EYS: variants seen among roughly 807,000 people sequenced by gnomAD.
EYS encodes protein eyes shut homolog.
A neutral mutation model predicts 282.1 loss-of-function variants in EYS; 250 were observed. The ratio of observed to expected loss-of-function variants is 0.89; its 90% CI spans 0.80 to 0.98. EYS has a LOEUF of 0.98. Ranked by LOEUF, EYS falls within the 50% of genes least tolerant of loss-of-function variation. The pLI is 0.00. For synonymous variants in EYS, 1,355 were observed against 1,282.9 expected, an observed-to-expected ratio of 1.06 and a Z score of -1.20; for missense variants, 4,016 against 3,709.0, an observed-to-expected ratio of 1.08 and a Z score of -2.15.
chr6:64,225,317 C>A (rs1243216163), intron 31 of EYS, among the ~76,000 whole-genome samples: 3 of 151,962 alleles, frequency 2.0e-5, no homozygotes, highest in Non-Finnish European at 2.9e-5. Flanking sequence ...ATGTCCAAAG[C>A]CCAATTCCTG....
intron 27 of EYS, among the ~76,000 whole-genome samples, 199 bp downstream of exon 27, chr6:64,438,963 T>A (rs1340471333): frequency 1.3e-5 from 2 of 151,750 alleles, no homozygotes; most frequent in East Asian, 3.9e-4. Flanking sequence ...ATTAAATCAG[T>A]TTTTTTGCTT....
At chr6:64,129,212 G>A (rs77467576) in intron 31 of EYS, among the ~76,000 whole-genome samples, 1 of 152,058 alleles carries the variant, frequency 6.6e-6, no homozygotes. Flanking sequence ...AACTTCCACA[G>A]TGGTTGAACT....
intron 29 of EYS, among the ~76,000 whole-genome samples, chr6:64,372,138 T>TTG (rs1772397414): frequency 4.1e-5 from 1 of 24,222 alleles, no homozygotes; most frequent in Non-Finnish European, 1.4e-4. Context: ...GTGTTTTTTT[T>TTG]TTTTTTTTTT....
chr6:65,017,230 T>G (rs904953547), intron 13 of EYS, among the ~76,000 whole-genome samples: 1 of 152,216 alleles, frequency 6.6e-6, no homozygotes, highest in African/African-American at 2.4e-5. Flanking sequence ...ATCTTATAGA[T>G]GCATTTTACA....
intron 16 of EYS, among the ~76,000 whole-genome samples, chr6:64,904,510 T>G (rs1767765211): frequency 6.6e-6 from 1 of 152,214 alleles, no homozygotes. Flanking sequence ...ACAACTTAGA[T>G]TCTATTTTCA....
chr6:63,828,462 A>G (rs573424797), intron 36 of EYS, among the ~76,000 whole-genome samples: 16 of 152,346 alleles, frequency 1.1e-4, no homozygotes, highest in Admixed American at 9.8e-4. Context: ...CCTAGAAGAG[A>G]TGGATAAATT....
chr6:64,254,331 A>G (rs972335362), intron 30 of EYS, among the ~76,000 whole-genome samples: 3 of 152,106 alleles, frequency 2.0e-5, no homozygotes, highest in Admixed American at 1.3e-4. Context: ...GCTGTTTTCA[A>G]TGTATGCCAC....
intron 1 of EYS, among the ~76,000 whole-genome samples, chr6:65,660,074 G>C (rs973396733): frequency 6.8e-6 from 1 of 147,720 alleles, no homozygotes; most frequent in African/African-American, 2.5e-5. Context: ...AAGATAAGGG[G>C]CTGCTTATTA....
intron 12 of EYS, among the ~76,000 whole-genome samples, chr6:65,171,276 T>C (rs1398239469): frequency 1.3e-5 from 2 of 151,584 alleles, no homozygotes; most frequent in East Asian, 3.9e-4. Flanking sequence ...TTATATCCTT[T>C]CTTTTTCCAT....
At chr6:64,668,548 T>TG (rs1286342810) in intron 22 of EYS, among the ~76,000 whole-genome samples, 1 of 141,214 alleles carries the variant, frequency 7.1e-6, no homozygotes, top group East Asian at 2.1e-4. Context: ...CAATTCTTTT[T>TG]TTTTTTTTTT....
At chr6:64,022,398 G>A (rs954440507) in intron 33 of EYS, among the ~76,000 whole-genome samples, 21 of 151,986 alleles carry the variant, frequency 1.4e-4, no homozygotes, top group Middle Eastern at 3.2e-3. Flanking sequence ...TTTTTAGTGC[G>A]CTAAAATATA....
At chr6:64,140,469 C>T (rs1774304954) in intron 31 of EYS, among the ~76,000 whole-genome samples, 1 of 152,150 alleles carries the variant, frequency 6.6e-6, no homozygotes, top group African/African-American at 2.4e-5. Flanking sequence ...TTTCCACCTG[C>T]CTCTCATCCC....
chr6:65,026,061 C>T (rs1362707072), intron 13 of EYS, among the ~76,000 whole-genome samples: 2 of 152,170 alleles, frequency 1.3e-5, no homozygotes, highest in Non-Finnish European at 2.9e-5. Context: ...CTTCATCAGT[C>T]ATTACTTTTC....
chr6:65,107,805 T>A (rs997217115), intron 12 of EYS, among the ~76,000 whole-genome samples: 4 of 152,062 alleles, frequency 2.6e-5, no homozygotes, highest in African/African-American at 9.7e-5. Context: ...TGCCACTTTA[T>A]TTTTTATATA....
intron 31 of EYS, among the ~76,000 whole-genome samples, chr6:64,133,177 C>T (rs1276322440): frequency 6.6e-6 from 1 of 151,184 alleles, no homozygotes; most frequent in African/African-American, 2.4e-5. Context: ...TGATTTTTTT[C>T]CTCATATTAA....
rs188597214 is a variant in EYS, at chr6:64,689,620, A to G, written c.3444-63375T>C. Among the ~76,000 whole-genome samples, 8 of 152,324 alleles carry G rather than the reference A, an allele frequency of 5.3e-5. No individual in the cohort carries two copies. In the East Asian group the frequency reaches 7.7e-4, roughly 15 times the overall value. Reference sequence around the variant, plus strand: ...ACCAAAACAGCATGGTACTGGTACCAAAACAGAGATATAGGGCAATGGAAC... The same window carrying G: ...ACCAAAACAGCATGGTACTGGTACCGAAACAGAGATATAGGGCAATGGAAC... On this transcript the variant is annotated intron_variant, in intron 22 of 42. Coordinates refer to ENST00000503581, the MANE Select transcript of EYS (RefSeq NM_001142800.2).
At chr6:65,513,885 C>G (rs983807652) in intron 2 of EYS, among the ~76,000 whole-genome samples, 9 of 152,196 alleles carry the variant, frequency 5.9e-5, no homozygotes, top group African/African-American at 2.2e-4. Context: ...TGGCACAAGA[C>G]AGGGCTGCCC....
At chr6:65,207,057 T>A (rs1179903608) in intron 12 of EYS, among the ~76,000 whole-genome samples, 1 of 151,664 alleles carries the variant, frequency 6.6e-6, no homozygotes, top group East Asian at 1.9e-4. Context: ...ATAAAAGGCA[T>A]CCAAATTAGA....
chr6:65,157,253 T>C (rs1198875946), intron 12 of EYS, among the ~76,000 whole-genome samples: 1 of 151,014 alleles, frequency 6.6e-6, no homozygotes, highest in Non-Finnish European at 1.5e-5. Flanking sequence ...ATTAAAATAA[T>C]TATAACAACT....
Sources: allele counts gnomAD v4.1 joint callset (sites outside exome capture counted in the v4.1 genomes callset), GRCh38; gene constraint gnomAD v4.1.1; transcripts MANE v1.5; gene names NCBI Gene and HGNC (gene_info 2026-07-23, HGNC 2026-07-21).